The following ATAT1 variants were observed in gnomAD, a reference collection of about 807,000 sequenced individuals.
ATAT1 encodes alpha tubulin acetyltransferase 1.
ATAT1 carries 42 observed loss-of-function variants against 57.2 expected under a neutral mutation model. That is an observed-to-expected ratio of 0.73 (90% confidence interval 0.57 to 0.95). ATAT1 has a LOEUF of 0.95. ATAT1 is among the 40% of genes least tolerant of loss of function. ATAT1 has a pLI of 0.00. For missense variants in ATAT1, 454 were observed against 523.7 expected, an observed-to-expected ratio of 0.87 and a Z score of 1.30; for synonymous variants, 168 against 187.1, an observed-to-expected ratio of 0.90 and a Z score of 0.83.
At chr6:30,642,607 C>T (rs1456084574) in intron 9 of ATAT1, among the ~76,000 whole-genome samples, 161 bp from the exon 10 acceptor site, 1 of 150,998 alleles carries the variant, frequency 6.6e-6, no homozygotes, top group Non-Finnish European at 1.5e-5. Flanking sequence ...CGTGCCACTG[C>T]ACTCCAGCTT....
In ATAT1 at chr6:30,646,712, C is replaced by T. The variant is rs201449065; in HGVS notation, c.*69C>T. 14 of 1,439,090 alleles carry T rather than the reference C, an allele frequency of 9.7e-6. No homozygotes were observed. Among genetic ancestry groups the T allele is most frequent in the Middle Eastern group, 2.3e-4 (1 of 4,344 alleles). 89.1% of individuals were successfully genotyped at this position (1,439,090 alleles called of 1,614,324 possible). ...CTACAGGAAAGAGCCAAAGCCCAAC[C>T]CTCATAATAGATGGATACATTCATT... On this transcript the variant is annotated 3_prime_UTR_variant, in exon 13 of 13. Coordinates refer to ENST00000330083, the MANE Select transcript of ATAT1 (RefSeq NM_001031722.4).
chr6:30,642,133 T>G (rs1765577001), intron 8 of ATAT1, 43 bp from the exon 9 acceptor site: 1 of 1,613,346 alleles, frequency 6.2e-7, no homozygotes, highest in Non-Finnish European at 8.5e-7. Flanking sequence ...GTGCAAAGTA[T>G]GTCTCCTAAC....
chr6:30,646,094 A>T lies in ATAT1; in HGVS notation c.1040A>T (p.Gln347Leu), dbSNP rs1218271855. ...AACCAAGACTCCAAGCAGGGAGAACAGGAAACAAAGAATAGGTGAGGTCTA... is the reference window on the plus strand; with the variant it reads ...AACCAAGACTCCAAGCAGGGAGAACTGGAAACAAAGAATAGGTGAGGTCTA... Residue 347 changes from glutamine to leucine, a missense_variant, in exon 12 of 13, where the codon CAG becomes CTG. Physicochemically the swap from Gln to Leu is moderately radical, Grantham distance 113. Coordinates refer to ENST00000330083, the MANE Select transcript of ATAT1 (RefSeq NM_001031722.4). The T allele has an allele frequency of 1.2e-6, 2 of 1,610,194 alleles. No individual in the cohort carries two copies. Among genetic ancestry groups the T allele is most frequent in the Non-Finnish European group, 8.5e-7 (1 of 1,178,106 alleles).
Position 30,627,058 on chromosome 6 carries a change from C to T in ATAT1, c.-146C>T, listed in dbSNP as rs1761819212. On this transcript the variant is annotated 5_prime_UTR_variant, in exon 1 of 13. Transcript: ENST00000330083. ...TCCTCTCCAAACCTGGTCCAGGCACCACGCCCCCTTCTCACTGACTAGTGA... is the reference window on the plus strand; with the variant it reads ...TCCTCTCCAAACCTGGTCCAGGCACTACGCCCCCTTCTCACTGACTAGTGA... 5.2e-6 allele frequency: 8 copies of T among 1,548,352 alleles called. No individual in the cohort carries two copies. The African/African-American group carries it at 8.2e-5, about 16-fold the overall frequency.
chr6:30,646,815 A>G lies in ATAT1; in HGVS notation c.*172A>G. 1 of 1,172,750 alleles carries G rather than the reference A, an allele frequency of 8.5e-7. No individual in the cohort carries two copies. The allele number at this position is 1,172,750 out of a possible 1,614,324, so 72.6% of individuals were successfully genotyped here. On this transcript the variant is annotated 3_prime_UTR_variant, in exon 13 of 13. Transcript: ENST00000330083. Reference sequence around the variant, plus strand: ...CAGACCAATAAAAGTATTTATTTTTATCACAAGAGCTGTTGAAAAATTTGA... The same window carrying G: ...CAGACCAATAAAAGTATTTATTTTTGTCACAAGAGCTGTTGAAAAATTTGA...
intron 10 of ATAT1, chr6:30,644,100 G>A (rs1270531647): frequency 2.0e-6 from 2 of 986,640 alleles, no homozygotes; most frequent in Non-Finnish European, 2.4e-6. Context: ...AGGTAGAACA[G>A]GGACTTACCA....
intron 6 of ATAT1, among the ~76,000 whole-genome samples, chr6:30,639,807 T>C (rs998877847): frequency 9.9e-5 from 15 of 152,044 alleles, no homozygotes; most frequent in African/African-American, 3.1e-4. Context: ...TTGAGGTATG[T>C]TTAGATACAT....
chr6:30,627,251 G>A lies in ATAT1; in HGVS notation c.48G>A (p.Glu16=). 6.2e-7 allele frequency: 1 copy of A among 1,613,972 alleles called. No individual in the cohort carries two copies. Among genetic ancestry groups the A allele is most frequent in the Non-Finnish European group, 8.5e-7 (1 of 1,179,876 alleles). ...GCTTCCTCACAATAACCTTAAGGGA[G>A]GAGGGAGTGTGCCACCTTGAAAGGT... The change falls in exon 1 of 13, where the codon GAG becomes GAA. Residue 16 remains glutamate, a synonymous_variant. Coordinates refer to ENST00000330083, the MANE Select transcript of ATAT1 (RefSeq NM_001031722.4).
rs563317788 is a variant in ATAT1, at chr6:30,632,559, G to A, written c.501+4129G>A. On this transcript the variant is annotated intron_variant, in intron 6 of 12. Coordinates refer to ENST00000330083, the MANE Select transcript of ATAT1 (RefSeq NM_001031722.4). ...TGCACTCCAGCCTGGATAACAGAAC[G>A]AGACTCCATCAAAGAAAAAAGAAAA... Among the ~76,000 whole-genome samples, 4 of 152,136 alleles carry A rather than the reference G, an allele frequency of 2.6e-5. No individual in the cohort carries two copies. The South Asian group carries it at 8.3e-4, about 32-fold the overall frequency.
chr6:30,643,174 A>T (rs1408777898), intron 10 of ATAT1, 163 bp downstream of exon 10: 1 of 1,461,758 alleles, frequency 6.8e-7, no homozygotes, highest in East Asian at 2.4e-5. Context: ...GTGATCTGGG[A>T]AAAAAATGCA....
chr6:30,631,102 A>G (rs1762773364), intron 6 of ATAT1, among the ~76,000 whole-genome samples: 1 of 152,152 alleles, frequency 6.6e-6, no homozygotes, highest in South Asian at 2.1e-4. Context: ...GTACTCAAGT[A>G]AGGTGGGGAT....
intron 10 of ATAT1, chr6:30,644,667 C>G: frequency 1.0e-6 from 1 of 977,902 alleles, no homozygotes; most frequent in Non-Finnish European, 1.2e-6. Context: ...AAAAAAGAAT[C>G]ACAAAAAAAA....
intron 6 of ATAT1, among the ~76,000 whole-genome samples, chr6:30,631,793 A>C (rs527833509): frequency 2.1e-4 from 29 of 139,266 alleles, no homozygotes; most frequent in Middle Eastern, 3.9e-3. Context: ...AACAAACAAA[A>C]AAAAAGAGTA....
Position 30,646,052 on chromosome 6 carries a change from C to G in ATAT1, c.1013-15C>G. On this transcript the variant is annotated splice_polypyrimidine_tract_variant and intron_variant, in intron 11 of 12. Transcript: ENST00000330083. Reference sequence around the variant, plus strand: ...TACTCCTGCCTTCCCATTCACATGCCTGATATTTCCACAGGCAACCAAGAC... The same window carrying G: ...TACTCCTGCCTTCCCATTCACATGCGTGATATTTCCACAGGCAACCAAGAC... 2 of 1,610,720 alleles carry G rather than the reference C, an allele frequency of 1.2e-6. No individual in the cohort carries two copies. The highest frequency in any genetic ancestry group is 1.7e-6 in the Non-Finnish European group (2 of 1,178,376).
chr6:30,641,684 C>T, intron 8 of ATAT1: 1 of 694,090 alleles, frequency 1.4e-6, no homozygotes, highest in Non-Finnish European at 1.8e-6. Flanking sequence ...TCAGTCTCTT[C>T]CCATTTTCGT....
chr6:30,631,732 T>C (rs1308125415), intron 6 of ATAT1, among the ~76,000 whole-genome samples: 1 of 151,568 alleles, frequency 6.6e-6, no homozygotes, highest in Non-Finnish European at 1.5e-5. Context: ...TGAGCCGAGA[T>C]GGTACCACTG....
chr6:30,646,762 C>A lies in ATAT1; in HGVS notation c.*119C>A, dbSNP rs1225594201. 2.2e-6 allele frequency: 3 copies of A among 1,346,408 alleles called. No individual in the cohort carries two copies. The highest frequency in any genetic ancestry group is 3.4e-5 in the South Asian group (2 of 59,172). The allele number at this position is 1,346,408 out of a possible 1,614,324, so 83.4% of individuals were successfully genotyped here. A position where few individuals can be genotyped will look rare whatever the true frequency, so the allele number is the denominator to read the frequency against. Reference sequence around the variant, plus strand: ...TCATTCATTCATTCAGCAGGCTTATCAGATTCAAGTCATTTGTATCTTTTA... The same window carrying A: ...TCATTCATTCATTCAGCAGGCTTATAAGATTCAAGTCATTTGTATCTTTTA... On this transcript the variant is annotated 3_prime_UTR_variant, in exon 13 of 13. Transcript: ENST00000330083.
At chr6:30,643,658 C>T in intron 10 of ATAT1, 1 of 1,541,998 alleles carries the variant, frequency 6.5e-7, no homozygotes, top group Non-Finnish European at 8.8e-7. Flanking sequence ...CTGTAGGACC[C>T]AGTGGAACCT....
At chr6:30,628,523 C>T (rs777911828) in intron 6 of ATAT1, 93 bp downstream of exon 6, 1 of 1,010,052 alleles carries the variant, frequency 9.9e-7, no homozygotes, top group Non-Finnish European at 1.5e-6. Context: ...TTTCCTATCA[C>T]ATAGGTTTCA....
Sources: gnomAD v4.1 joint callset for allele counts (sites outside exome capture counted in the v4.1 genomes callset) on GRCh38, gnomAD v4.1.1 for gene constraint, MANE v1.5 for transcripts, NCBI Gene and HGNC (gene_info 2026-07-23, HGNC 2026-07-21) for gene names.